Variants in ERBB4 observed in about 807,000 individuals in gnomAD.
The protein encoded by ERBB4 is receptor tyrosine-protein kinase erbB-4.
Under a neutral mutation model 158.0 loss-of-function variants are expected in ERBB4, and 42 were observed. The ratio of observed to expected loss-of-function variants is 0.27; its 90% CI spans 0.21 to 0.34. ERBB4 has a LOEUF of 0.34. Among genes scored for constraint, ERBB4 ranks in the 10% least tolerant of loss-of-function variants. The probability of loss-of-function intolerance (pLI) is 1.00; values close to 1 mark genes in which losing one functional copy is unlikely to be tolerated. For synonymous variants in ERBB4, 583 were observed against 558.7 expected (o/e 1.04, Z -0.61); for missense variants, 1,333 against 1,624.1 (o/e 0.82, Z 3.08).
chr2:212,130,612 C>T (rs965061541), intron 1 of ERBB4, among the ~76,000 whole-genome samples: 1 of 151,996 alleles, frequency 6.6e-6, no homozygotes, highest in African/African-American at 2.4e-5. Context: ...ACTCTATTTG[C>T]TTACAAAGAA....
rs145518082 is a variant in ERBB4 at position 211,560,034 on chromosome 2, T to C, written c.2487+1869A>G. 8.3e-4 allele frequency among the ~76,000 whole-genome samples: 126 copies of C among 152,248 alleles called. No individual in the cohort carries two copies. The Middle Eastern group carries it at 0.014, about 16-fold the overall frequency. On this transcript the variant is annotated intron_variant, in intron 20 of 27. Transcript: ENST00000342788. ...CAGGCTTGATGGATGAATAAGATCA[T>C]GCAGCATGAACCAAGAAGCCAAGAG...
chr2:211,761,464 CT>C (rs200728645), intron 4 of ERBB4, among the ~76,000 whole-genome samples: 2 of 150,476 alleles, frequency 1.3e-5, no homozygotes, highest in Admixed American at 6.6e-5. Flanking sequence ...ATTATTTTTT[CT>C]TTTTTTTTGG....
At chr2:211,927,581 C>G (rs569630396) in intron 3 of ERBB4, among the ~76,000 whole-genome samples, 8 of 152,180 alleles carry the variant, frequency 5.3e-5, no homozygotes, top group African/African-American at 1.9e-4. Flanking sequence ...TCATCAGGCT[C>G]CACATTAACA....
At chr2:211,743,041 A>G (rs1021797955) in intron 5 of ERBB4, among the ~76,000 whole-genome samples, 2 of 152,152 alleles carry the variant, frequency 1.3e-5, no homozygotes, top group Non-Finnish European at 2.9e-5. Flanking sequence ...TAAATTAGAC[A>G]TTTAAATGGA....
At position 211,397,425 on chromosome 2, in the gene ERBB4, T is replaced by A. The variant is rs116644155; in HGVS notation, c.3136-9433A>T. ...AAATTGTAACACTTTACTAAAAAAA[T>A]GAAGCAAAAAATGAAATGGAACTAA... On this transcript the variant is annotated intron_variant, in intron 25 of 27. Coordinates refer to ENST00000342788, the MANE Select transcript of ERBB4 (RefSeq NM_005235.3). 8.1e-3 allele frequency among the ~76,000 whole-genome samples: 1,233 copies of A among 152,204 alleles called. 14 individuals carry two copies. Among genetic ancestry groups the A allele is most frequent in the African/African-American group, 0.028 (1,179 of 41,522 alleles).
At chr2:211,470,626 T>C (rs2125525061) in intron 20 of ERBB4, among the ~76,000 whole-genome samples, 1 of 152,294 alleles carries the variant, frequency 6.6e-6, no homozygotes, top group African/African-American at 2.4e-5. Context: ...AGAGATACTT[T>C]AAGACAACTT....
intron 2 of ERBB4, among the ~76,000 whole-genome samples, chr2:212,105,340 G>T (rs1290505367): frequency 6.6e-6 from 1 of 152,140 alleles, no homozygotes; most frequent in African/African-American, 2.4e-5. Flanking sequence ...AGTTTACATA[G>T]CACTGAATTG....
intron 25 of ERBB4, among the ~76,000 whole-genome samples, chr2:211,402,206 T>C (rs1410139917): frequency 6.6e-6 from 1 of 152,016 alleles, no homozygotes; most frequent in Non-Finnish European, 1.5e-5. Flanking sequence ...GTGTTGTCTT[T>C]TAGGGTAACA....
rs116094075 is a variant in ERBB4 at position 211,597,736 on chromosome 2, T to A, written c.2301+21441A>T. Reference sequence around the variant, plus strand: ...TGGTAAAGAGACATCAAGTCACTACTTCACAATTATTTCAATTTTTATTTT... The same window carrying A: ...TGGTAAAGAGACATCAAGTCACTACATCACAATTATTTCAATTTTTATTTT... On this transcript the variant is annotated intron_variant, in intron 19 of 27. Transcript: ENST00000342788. Among the ~76,000 whole-genome samples, 832 of 152,262 alleles carry A rather than the reference T, an allele frequency of 5.5e-3. 4 individuals carry two copies. Among genetic ancestry groups the A allele is most frequent in the Non-Finnish European group, 8.2e-3 (561 of 68,020 alleles).
intron 12 of ERBB4, among the ~76,000 whole-genome samples, chr2:211,692,881 T>C (rs1453572883): frequency 1.3e-5 from 2 of 152,156 alleles, no homozygotes; most frequent in Non-Finnish European, 2.9e-5. Context: ...GTCAATAAGC[T>C]CTGTGTGTAG....
intron 12 of ERBB4, among the ~76,000 whole-genome samples, chr2:211,691,122 CT>C (rs935652936): frequency 6.6e-6 from 1 of 151,908 alleles, no homozygotes; most frequent in Non-Finnish European, 1.5e-5. Context: ...TATTGTTCAT[CT>C]TTTTTTTAAA....
chr2:211,860,047 G>T (rs144087058), intron 3 of ERBB4, among the ~76,000 whole-genome samples: 1 of 152,112 alleles, frequency 6.6e-6, no homozygotes, highest in African/African-American at 2.4e-5. Context: ...GTTATTATAC[G>T]CCAAAACATC....
At chr2:211,625,509 T>C (rs1480351880) in intron 17 of ERBB4, among the ~76,000 whole-genome samples, 4 of 152,232 alleles carry the variant, frequency 2.6e-5, no homozygotes, top group South Asian at 4.1e-4. Flanking sequence ...TCTTCTTTAA[T>C]TGTGAGTTTG....
chr2:212,170,507 G>A (rs966511926), intron 1 of ERBB4, among the ~76,000 whole-genome samples: 3 of 152,148 alleles, frequency 2.0e-5, no homozygotes, highest in African/African-American at 7.2e-5. Flanking sequence ...AAGACAATGG[G>A]GAAAATGTCT....
chr2:211,517,137 A>G (rs943033853), intron 20 of ERBB4, among the ~76,000 whole-genome samples: 11 of 152,180 alleles, frequency 7.2e-5, no homozygotes, highest in African/African-American at 2.7e-4. Flanking sequence ...ATAGCACATT[A>G]GAATAAAAAG....
chr2:212,479,374 C>T (rs1250590748), intron 1 of ERBB4, among the ~76,000 whole-genome samples: 1 of 152,050 alleles, frequency 6.6e-6, no homozygotes, highest in Non-Finnish European at 1.5e-5. Context: ...ACTTGTAAAC[C>T]ATGAAGGATA....
intron 3 of ERBB4, among the ~76,000 whole-genome samples, chr2:211,800,659 TAAA>T (rs35946148): frequency 0.24 from 30,677 of 128,398 alleles, 3,947 homozygotes; most frequent in South Asian, 0.38. Context: ...AACTGTGCGT[TAAA>T]AAAAAAAAAA....
At chr2:212,483,058 T>G (rs577365862) in intron 1 of ERBB4, among the ~76,000 whole-genome samples, 7 of 152,346 alleles carry the variant, frequency 4.6e-5, no homozygotes, top group African/African-American at 1.7e-4. Flanking sequence ...ACAGGATGAA[T>G]GGCCAGAGAG....
chr2:212,217,264 G>C (rs561619564), intron 1 of ERBB4, among the ~76,000 whole-genome samples: 2 of 151,374 alleles, frequency 1.3e-5, no homozygotes, highest in African/African-American at 4.8e-5. Flanking sequence ...CTGTGGAACT[G>C]ATCAGAGCCA....
Sources: gnomAD v4.1 joint callset for allele counts (sites outside exome capture counted in the v4.1 genomes callset) on GRCh38, gnomAD v4.1.1 for gene constraint, MANE v1.5 for transcripts, NCBI Gene and HGNC (gene_info 2026-07-23, HGNC 2026-07-21) for gene names.